Variants in BAIAP2L1 observed in about 807,000 individuals in gnomAD.
BAIAP2L1 encodes the protein BAR/IMD domain containing adaptor protein 2 like 1.
A neutral mutation model predicts 66.3 loss-of-function variants in BAIAP2L1; 35 were observed. The observed-to-expected ratio is 0.53, with a 90% CI of 0.40 to 0.70. BAIAP2L1 has a LOEUF of 0.70. Ranked by LOEUF, BAIAP2L1 falls within the 30% of genes least tolerant of loss-of-function variation. BAIAP2L1 has a pLI of 0.00. For synonymous variants in BAIAP2L1, 269 were observed against 248.7 expected (o/e 1.08, Z -0.77); for missense variants, 622 against 656.9 (o/e 0.95, Z 0.58).
intron 1 of BAIAP2L1, among the ~76,000 whole-genome samples, chr7:98,383,906 C>A (rs1427897758): frequency 6.6e-6 from 1 of 152,028 alleles, no homozygotes. Flanking sequence ...GTAATCCCAG[C>A]ATTTTGGGAG....
intron 9 of BAIAP2L1, 174 bp downstream of exon 9, chr7:98,310,271 A>C: frequency 1.7e-6 from 1 of 605,570 alleles, no homozygotes; most frequent in Non-Finnish European, 2.8e-6. Context: ...CTCACAGTCT[A>C]GTCCTGTATT....
At chr7:98,400,127 G>A (rs957062384) in intron 1 of BAIAP2L1, 19 of 150,762 alleles carry the variant, frequency 1.3e-4, no homozygotes, top group African/African-American at 4.2e-4. Context: ...AAGAAGTTGG[G>A]AGGAGGACGT....
At chr7:98,304,579 ACT>A (rs1465012153) in intron 11 of BAIAP2L1, among the ~76,000 whole-genome samples, 3 of 151,930 alleles carry the variant, frequency 2.0e-5, no homozygotes, top group African/African-American at 7.3e-5. Flanking sequence ...ACAGAGTCTC[ACT>A]CTGTCACCCA....
intron 1 of BAIAP2L1, among the ~76,000 whole-genome samples, chr7:98,369,983 A>G (rs1394536572): frequency 6.6e-6 from 1 of 152,074 alleles, no homozygotes; most frequent in East Asian, 1.9e-4. Context: ...ATTTCCTGAT[A>G]TAATTCTTAA....
At chr7:98,318,851 G>A (rs1584451162) in intron 5 of BAIAP2L1, among the ~76,000 whole-genome samples, 1 of 151,320 alleles carries the variant, frequency 6.6e-6, no homozygotes, top group African/African-American at 2.4e-5. Flanking sequence ...GGCTGAGGTA[G>A]GAGAATCGCT....
intron 1 of BAIAP2L1, among the ~76,000 whole-genome samples, chr7:98,378,376 G>A (rs797015169): frequency 5.3e-5 from 8 of 152,110 alleles, no homozygotes; most frequent in African/African-American, 1.7e-4. Context: ...ATTGAAAGCC[G>A]GGACATTCCC....
chr7:98,349,387 G>C (rs192372615), intron 3 of BAIAP2L1, among the ~76,000 whole-genome samples: 1 of 152,108 alleles, frequency 6.6e-6, no homozygotes, highest in Non-Finnish European at 1.5e-5. Flanking sequence ...GCACAAGAGC[G>C]GAGCAATACT....
chr7:98,323,837 C>T (rs538947510), intron 3 of BAIAP2L1, among the ~76,000 whole-genome samples: 13 of 152,284 alleles, frequency 8.5e-5, no homozygotes, highest in African/African-American at 2.9e-4. Context: ...ATCTTGGCTG[C>T]GATTCTGCAA....
intron 3 of BAIAP2L1, among the ~76,000 whole-genome samples, chr7:98,348,622 A>G (rs549128904): frequency 6.6e-6 from 1 of 152,130 alleles, no homozygotes; most frequent in East Asian, 1.9e-4. Flanking sequence ...ATATTCTTTT[A>G]TTACTTACTT....
At position 98,387,202 on chromosome 7, in the gene BAIAP2L1, C is replaced by A. The variant is rs367701403; in HGVS notation, c.51+13600G>T. 1.3e-3 allele frequency among the ~76,000 whole-genome samples: 200 copies of A among 152,222 alleles called. 1 individual carries two copies. Among genetic ancestry groups the A allele is most frequent in the African/African-American group, 4.4e-3 (182 of 41,550 alleles). ...AATTTACGACATGGGCAGGTCCAGG[C>A]GGAGGAGAGGGGCTGCGGCTACTAG... On this transcript the variant is annotated intron_variant, in intron 1 of 13. Coordinates refer to ENST00000005260, the MANE Select transcript of BAIAP2L1 (RefSeq NM_018842.5).
intron 3 of BAIAP2L1, among the ~76,000 whole-genome samples, chr7:98,338,106 C>T (rs1322643365): frequency 6.6e-6 from 1 of 152,280 alleles, no homozygotes; most frequent in South Asian, 2.1e-4. Flanking sequence ...ACCATCACCA[C>T]TACCCAGTTC....
Position 98,293,090 on chromosome 7 carries a change from G to A in BAIAP2L1, c.*431C>T. 1 of 553,966 alleles carries A rather than the reference G, an allele frequency of 1.8e-6. No individual in the cohort carries two copies. 34.3% of individuals were successfully genotyped at this position (553,966 alleles called of 1,614,324 possible). On this transcript the variant is annotated 3_prime_UTR_variant, in exon 14 of 14. Transcript: ENST00000005260. Reference sequence around the variant, plus strand: ...TGCATGCTAAGATGCAAACTTACGTGATATCTTCTTTAGACATAATGCTAT... The same window carrying A: ...TGCATGCTAAGATGCAAACTTACGTAATATCTTCTTTAGACATAATGCTAT...
At chr7:98,381,188 T>C (rs1802752166) in intron 1 of BAIAP2L1, among the ~76,000 whole-genome samples, 1 of 152,164 alleles carries the variant, frequency 6.6e-6, no homozygotes, top group Admixed American at 6.6e-5. Flanking sequence ...CAGCTATGAT[T>C]GGGTAGGGAG....
intron 1 of BAIAP2L1, among the ~76,000 whole-genome samples, chr7:98,396,924 C>T (rs1688604): frequency 0.13 from 19,586 of 152,256 alleles, 1,500 homozygotes; most frequent in South Asian, 0.25. Flanking sequence ...AGGTGCTTCA[C>T]ACATTAAATG....
intron 2 of BAIAP2L1, among the ~76,000 whole-genome samples, chr7:98,360,807 G>A (rs550895375): frequency 1.3e-5 from 2 of 152,278 alleles, no homozygotes; most frequent in African/African-American, 2.4e-5. Context: ...CAGAAGTCAC[G>A]GGGACCACTG....
At chr7:98,386,198 C>T (rs905066055) in intron 1 of BAIAP2L1, 47 of 1,534,622 alleles carry the variant, frequency 3.1e-5, no homozygotes, top group South Asian at 1.3e-4. Context: ...AAGTAACCAT[C>T]GGTAGTCTTG....
chr7:98,356,189 T>C (rs960873775), intron 2 of BAIAP2L1, among the ~76,000 whole-genome samples: 5 of 152,166 alleles, frequency 3.3e-5, no homozygotes, highest in Non-Finnish European at 7.3e-5. Flanking sequence ...ATCCTTAAAA[T>C]GCCCTAAGAA....
chr7:98,378,880 G>A (rs1489406438), intron 1 of BAIAP2L1, among the ~76,000 whole-genome samples: 3 of 152,084 alleles, frequency 2.0e-5, no homozygotes, highest in African/African-American at 7.2e-5. Context: ...GCTCAGGCTG[G>A]TGTACAGTGG....
At chr7:98,334,019 ATAAAG>A (rs1801557709) in intron 3 of BAIAP2L1, among the ~76,000 whole-genome samples, 1 of 152,230 alleles carries the variant, frequency 6.6e-6, no homozygotes. Context: ...TAAAAAACAC[ATAAAG>A]TATATTTTAA....
Sources: allele counts gnomAD v4.1 joint callset (sites outside exome capture counted in the v4.1 genomes callset), GRCh38; gene constraint gnomAD v4.1.1; transcripts MANE v1.5; gene names NCBI Gene and HGNC (gene_info 2026-07-23, HGNC 2026-07-21).